LYPD6B: variants seen among roughly 807,000 people sequenced by gnomAD.
LYPD6B encodes the protein LY6/PLAUR domain containing 6B.
LYPD6B carries 17 observed loss-of-function variants against 22.8 expected under a neutral mutation model. That is an observed-to-expected ratio of 0.75 (90% CI 0.51 to 1.12). The LOEUF (loss-of-function observed/expected upper bound fraction) is 1.12. LYPD6B is among the 50% of genes most tolerant of loss of function. The pLI, the probability that LYPD6B is intolerant of heterozygous loss-of-function variation, is 0.00. For missense variants in LYPD6B, 221 were observed against 258.3 expected, an observed-to-expected ratio of 0.86 and a Z score of 0.99; for synonymous variants, 106 against 91.6, an observed-to-expected ratio of 1.16 and a Z score of -0.90.
chr2:149,195,706 T>C (rs1692767110), intron 3 of LYPD6B, among the ~76,000 whole-genome samples: 1 of 152,252 alleles, frequency 6.6e-6, no homozygotes, highest in Non-Finnish European at 1.5e-5. Flanking sequence ...CTTAATGATA[T>C]TGGCCTGTAT....
chr2:149,059,578 C>T (rs186004966), intron 1 of LYPD6B, among the ~76,000 whole-genome samples: 1 of 152,348 alleles, frequency 6.6e-6, no homozygotes, highest in East Asian at 1.9e-4. Context: ...TTTCAAATCT[C>T]CTGTCTCCGT....
chr2:149,065,962 T>C (rs1684305906), intron 1 of LYPD6B, among the ~76,000 whole-genome samples: 2 of 152,104 alleles, frequency 1.3e-5, no homozygotes, highest in African/African-American at 2.4e-5. Flanking sequence ...TCTGCCCACC[T>C]TGGCTTCCCA....
chr2:149,079,396 T>C (rs879597543), intron 1 of LYPD6B, among the ~76,000 whole-genome samples: 3 of 152,238 alleles, frequency 2.0e-5, no homozygotes, highest in Non-Finnish European at 4.4e-5. Flanking sequence ...ATTCATAAAA[T>C]CCTAACATAA....
At chr2:149,135,721 A>C (rs1156970060) in intron 2 of LYPD6B, among the ~76,000 whole-genome samples, 3 of 130,520 alleles carry the variant, frequency 2.3e-5, no homozygotes, top group African/African-American at 1.1e-4. Context: ...CCATGTCTCA[A>C]AAAAAAAAAA....
At chr2:149,130,262 G>T (rs879406023) in intron 1 of LYPD6B, among the ~76,000 whole-genome samples, 49 of 152,162 alleles carry the variant, frequency 3.2e-4, no homozygotes, top group Non-Finnish European at 6.0e-4. Context: ...CCAGATGTAT[G>T]ACGTTTTTAT....
chr2:149,141,000 G>T (rs1380070784), intron 2 of LYPD6B, among the ~76,000 whole-genome samples: 4 of 152,158 alleles, frequency 2.6e-5, no homozygotes, highest in Admixed American at 1.3e-4. Flanking sequence ...TGTGCTATAG[G>T]TACTGATAGA....
chr2:149,207,775 C>G (rs1693593813), intron 4 of LYPD6B, among the ~76,000 whole-genome samples: 1 of 152,114 alleles, frequency 6.6e-6, no homozygotes, highest in South Asian at 2.1e-4. Context: ...ATTTGACGTG[C>G]TAGAGACTAC....
At chr2:149,050,187 A>G (rs1683486801) in intron 1 of LYPD6B, among the ~76,000 whole-genome samples, 1 of 151,704 alleles carries the variant, frequency 6.6e-6, no homozygotes, top group Admixed American at 6.6e-5. Context: ...GGTAGATTTA[A>G]GACCTGCCTT....
At chr2:149,155,357 T>C (rs184352533) in intron 2 of LYPD6B, among the ~76,000 whole-genome samples, 1 of 152,334 alleles carries the variant, frequency 6.6e-6, no homozygotes, top group Non-Finnish European at 1.5e-5. Flanking sequence ...GCCCTCTCCT[T>C]TTCCTTCCAC....
At chr2:149,063,616 T>A (rs1684192414) in intron 1 of LYPD6B, among the ~76,000 whole-genome samples, 1 of 152,230 alleles carries the variant, frequency 6.6e-6, no homozygotes, top group African/African-American at 2.4e-5. Context: ...CAACTACATG[T>A]AGCTAAAGTT....
intron 1 of LYPD6B, among the ~76,000 whole-genome samples, chr2:149,109,320 G>T (rs572203740): frequency 6.6e-6 from 1 of 152,052 alleles, no homozygotes; most frequent in East Asian, 1.9e-4. Context: ...TTTTCTTTCA[G>T]CACTTTAAAG....
chr2:149,062,010 C>T (rs1267040042), intron 1 of LYPD6B, among the ~76,000 whole-genome samples: 1 of 150,194 alleles, frequency 6.7e-6, no homozygotes, highest in Non-Finnish European at 1.5e-5. Flanking sequence ...ATTCTTGCTG[C>T]CCAGGCTGGA....
chr2:149,143,823 A>C (rs1688846925), intron 2 of LYPD6B: 1 of 152,232 alleles, frequency 6.6e-6, no homozygotes, highest in Admixed American at 6.5e-5. Context: ...CTATGGAAAT[A>C]AGTAGTGAGT....
chr2:149,045,877 G>A (rs1010997475), intron 1 of LYPD6B, among the ~76,000 whole-genome samples: 1 of 151,994 alleles, frequency 6.6e-6, no homozygotes, highest in Non-Finnish European at 1.5e-5. Context: ...TTGATGGGTG[G>A]GATGTTCCAG....
At chr2:149,185,981 A>G (rs1436879747) in intron 3 of LYPD6B, among the ~76,000 whole-genome samples, 1 of 152,156 alleles carries the variant, frequency 6.6e-6, no homozygotes, top group Non-Finnish European at 1.5e-5. Flanking sequence ...TCATTCCCTC[A>G]TCTCTCTTCC....
At chr2:149,121,084 G>A (rs190773406) in intron 1 of LYPD6B, among the ~76,000 whole-genome samples, 6 of 152,126 alleles carry the variant, frequency 3.9e-5, no homozygotes, top group African/African-American at 1.4e-4. Context: ...GAGCGACCCC[G>A]CCTGGCAAAG....
chr2:149,042,456 G>T (rs1335009993), intron 1 of LYPD6B, among the ~76,000 whole-genome samples: 1 of 152,202 alleles, frequency 6.6e-6, no homozygotes, highest in African/African-American at 2.4e-5. Flanking sequence ...GATCACTAAT[G>T]CTGGAAGAAA....
At chr2:149,040,243 A>G (rs1211630377) in intron 1 of LYPD6B, among the ~76,000 whole-genome samples, 2 of 147,856 alleles carry the variant, frequency 1.4e-5, no homozygotes, top group East Asian at 4.0e-4. Context: ...TTCTTTTGAG[A>G]CAGACTCTCA....
intron 1 of LYPD6B, among the ~76,000 whole-genome samples, chr2:149,040,581 A>C (rs1683031676): frequency 6.6e-6 from 1 of 152,142 alleles, no homozygotes; most frequent in Non-Finnish European, 1.5e-5. Flanking sequence ...CCATCTCAGC[A>C]GACAGGGAGA....
Sources: allele counts gnomAD v4.1 joint callset (sites outside exome capture counted in the v4.1 genomes callset), GRCh38; gene constraint gnomAD v4.1.1; transcripts MANE v1.5; gene names NCBI Gene and HGNC (gene_info 2026-07-23, HGNC 2026-07-21).